PTPRN2: variants seen among roughly 807,000 people sequenced by gnomAD.
The protein encoded by PTPRN2 is protein tyrosine phosphatase receptor type N2, also known as receptor-type tyrosine-protein phosphatase N2.
Under a neutral mutation model 118.8 loss-of-function variants are expected in PTPRN2, and 74 were observed. That is an observed-to-expected ratio of 0.62 (90% confidence interval 0.52 to 0.76). The LOEUF (loss-of-function observed/expected upper bound fraction) is 0.76, where lower values mean the gene tolerates loss of function less well. Among genes scored for constraint, PTPRN2 ranks in the 30% least tolerant of loss-of-function variants. The pLI is 0.00. For missense variants in PTPRN2, 1,481 were observed against 1,394.4 expected (o/e 1.06, Z -0.99); for synonymous variants, 641 against 608.0 (o/e 1.05, Z -0.80).
At chr7:157,658,576 C>T (rs911820593) in intron 13 of PTPRN2, among the ~76,000 whole-genome samples, 2 of 152,246 alleles carry the variant, frequency 1.3e-5, no homozygotes, top group Non-Finnish European at 2.9e-5. Context: ...CACGGCCACG[C>T]AGCCTCAGGT....
At position 157,794,178 on chromosome 7, in the gene PTPRN2, C is replaced by T. The variant is rs1030753222; in HGVS notation, c.1788+104495G>A. Reference sequence around the variant, plus strand: ...ACCCGGGCTCGCACCTCTCCTCGTTCTCTGCCCTGACCCGGGATCACACCT... The same window carrying T: ...ACCCGGGCTCGCACCTCTCCTCGTTTTCTGCCCTGACCCGGGATCACACCT... On this transcript the variant is annotated intron_variant, in intron 12 of 22. Transcript: ENST00000389418. The surrounding 1 kb of genome is among the most constrained non-coding windows in gnomAD (Gnocchi z 5.2). 2.1e-4 allele frequency among the ~76,000 whole-genome samples: 31 copies of T among 148,240 alleles called. 3 individuals carry two copies. Among genetic ancestry groups the T allele is most frequent in the African/African-American group, 8.0e-4 (31 of 38,884 alleles).
intron 13 of PTPRN2, among the ~76,000 whole-genome samples, chr7:157,665,198 C>A (rs1185257045): frequency 6.6e-6 from 1 of 152,250 alleles, no homozygotes; most frequent in Non-Finnish European, 1.5e-5. Context: ...AAAGGAAAAT[C>A]TTCTATTTAA....
chr7:158,324,693 G>A (rs1039210860), intron 2 of PTPRN2, among the ~76,000 whole-genome samples: 1 of 94,276 alleles, frequency 1.1e-5, no homozygotes, highest in Non-Finnish European at 2.2e-5. Flanking sequence ...CAGAGTAAGG[G>A]TGGGGCTCTG....
At position 158,110,913 on chromosome 7, in the gene PTPRN2, G is replaced by C; in HGVS notation, c.1559C>G (p.Pro520Arg). ...CCGCCTTCCTTCCTCGGGGCGCAGG[G>C]GGCTGCGGATGACAGCAGGGATGGG... ...ARGYIVTDRD[P>R]LRPEEGRRLV... Residue 520 changes from proline to arginine, a missense_variant and splice_region_variant, in exon 10 of 23, where the codon CCC (proline) becomes CGC (arginine). Physicochemically the swap from Pro to Arg is moderately radical, Grantham distance 103. This residue lies in a region of PTPRN2 where 1,115 missense variants were observed against 994.2 expected (regional missense o/e 1.12). Transcript: ENST00000389418. 6.4e-7 allele frequency: 1 copy of C among 1,559,668 alleles called. No individual in the cohort carries two copies. Among genetic ancestry groups the C allele is most frequent in the Non-Finnish European group, 8.7e-7 (1 of 1,153,756 alleles).
chr7:157,696,231 T>C (rs1213047590), intron 12 of PTPRN2, among the ~76,000 whole-genome samples: 1 of 143,182 alleles, frequency 7.0e-6, no homozygotes, highest in African/African-American at 2.6e-5. Flanking sequence ...CCTCACCATC[T>C]ACCCATGCAT....
chr7:158,209,515 T>G (rs1034089127), intron 3 of PTPRN2, among the ~76,000 whole-genome samples: 1 of 152,202 alleles, frequency 6.6e-6, no homozygotes, highest in African/African-American at 2.4e-5. Context: ...TAAATATATA[T>G]GTACCCAACA....
chr7:158,174,432 C>T (rs574312115), intron 5 of PTPRN2, among the ~76,000 whole-genome samples: 1 of 151,950 alleles, frequency 6.6e-6, no homozygotes, highest in African/African-American at 2.4e-5. Flanking sequence ...TCACTTCCAC[C>T]ATCAACATGA....
At chr7:157,620,958 G>T (rs2150636593) in intron 15 of PTPRN2, among the ~76,000 whole-genome samples, 1 of 146,710 alleles carries the variant, frequency 6.8e-6, no homozygotes, top group Admixed American at 6.7e-5. Flanking sequence ...CCTGCCCCCG[G>T]GACTGGTATG....
At chr7:157,541,738 C>T (rs1029009175) in intron 22 of PTPRN2, among the ~76,000 whole-genome samples, 2 of 152,232 alleles carry the variant, frequency 1.3e-5, no homozygotes, top group Admixed American at 6.5e-5. Context: ...ATTTAAGGAA[C>T]AGGGCAGCCC....
chr7:157,724,580 T>C (rs554125554), intron 12 of PTPRN2, among the ~76,000 whole-genome samples: 1 of 152,328 alleles, frequency 6.6e-6, no homozygotes, highest in African/African-American at 2.4e-5. Context: ...TGGATCCATA[T>C]AACCTGCTGA....
intron 12 of PTPRN2, among the ~76,000 whole-genome samples, chr7:157,777,718 A>C (rs1168610446): frequency 6.6e-6 from 1 of 152,230 alleles, no homozygotes; most frequent in Non-Finnish European, 1.5e-5. Context: ...AGCGAACTTC[A>C]CATCCCAGTG....
At chr7:158,373,814 G>A (rs550908287) in intron 2 of PTPRN2, among the ~76,000 whole-genome samples, 302 of 152,354 alleles carry the variant, frequency 2.0e-3, no homozygotes, top group African/African-American at 6.4e-3. Flanking sequence ...AAAGGGAGAC[G>A]CTCTCATCCG....
At chr7:158,131,056 A>G (rs1350605456) in intron 9 of PTPRN2, among the ~76,000 whole-genome samples, 1 of 128,930 alleles carries the variant, frequency 7.8e-6, no homozygotes, top group African/African-American at 3.2e-5. Context: ...ACATACAGAC[A>G]CCTGCCCAAC....
chr7:158,448,485 T>C (rs1817878350), intron 2 of PTPRN2, among the ~76,000 whole-genome samples: 1 of 139,104 alleles, frequency 7.2e-6, no homozygotes, highest in Non-Finnish European at 1.6e-5. Flanking sequence ...AGCGCTGCAG[T>C]GCAGGAGGGT....
chr7:158,133,154 C>T (rs552799512), intron 9 of PTPRN2, among the ~76,000 whole-genome samples: 22 of 152,312 alleles, frequency 1.4e-4, no homozygotes, highest in East Asian at 3.9e-4. Flanking sequence ...AGGGCGCCCA[C>T]GCCAGGATAT....
intron 13 of PTPRN2, among the ~76,000 whole-genome samples, chr7:157,670,490 G>A (rs920592517): frequency 1.9e-4 from 29 of 152,258 alleles, no homozygotes; most frequent in Non-Finnish European, 3.8e-4. Context: ...GTCTAAGACC[G>A]GCTTCTGTGA....
At chr7:157,693,668 C>A (rs1418859174) in intron 12 of PTPRN2, among the ~76,000 whole-genome samples, 1 of 152,092 alleles carries the variant, frequency 6.6e-6, no homozygotes, top group Admixed American at 6.5e-5. Context: ...AACCGCGCGT[C>A]GCCTCGGGGA....
At chr7:157,743,556 C>T (rs894914505) in intron 12 of PTPRN2, among the ~76,000 whole-genome samples, 1 of 151,716 alleles carries the variant, frequency 6.6e-6, no homozygotes, top group African/African-American at 2.4e-5. Flanking sequence ...CTGAGTTGGG[C>T]TCCTGGCAAG....
chr7:158,147,862 T>A (rs78381399), intron 6 of PTPRN2, among the ~76,000 whole-genome samples: 2 of 27,540 alleles, frequency 7.3e-5, no homozygotes, highest in Non-Finnish European at 1.7e-4. Context: ...GTCTTTCCCC[T>A]TCAATGACAC....
Sources: allele counts gnomAD v4.1 joint callset (sites outside exome capture counted in the v4.1 genomes callset), GRCh38; gene constraint gnomAD v4.1.1; regional missense constraint gnomAD v4.1.1; non-coding constraint Gnocchi (gnomAD v3.1); transcripts MANE v1.5; gene names NCBI Gene and HGNC (gene_info 2026-07-23, HGNC 2026-07-21).